BCL11B: variants seen among roughly 807,000 people sequenced by gnomAD.
BCL11B encodes the protein BCL11 transcription factor B.
In BCL11B, 8 loss-of-function variants were observed where a neutral mutation model predicts 49.9. That is an observed-to-expected ratio of 0.16 (90% CI 0.09 to 0.29). The LOEUF (loss-of-function observed/expected upper bound fraction) is 0.29, where lower values mean the gene tolerates loss of function less well. Among genes scored for constraint, BCL11B ranks in the 10% least tolerant of loss-of-function variants. The pLI is 1.00. For synonymous variants in BCL11B, 739 were observed against 637.4 expected (o/e 1.16, Z -2.40); for missense variants, 1,006 against 1,351.0 (o/e 0.74, Z 4.00).
Position 99,175,998 on chromosome 14 carries a change from T to C in BCL11B, c.838A>G (p.Met280Val). 1 of 1,524,072 alleles carries C rather than the reference T, an allele frequency of 6.6e-7. No homozygotes were observed. Among genetic ancestry groups the C allele is most frequent in the Non-Finnish European group, 8.8e-7 (1 of 1,136,358 alleles). 94.4% of individuals were successfully genotyped at this position (1,524,072 alleles called of 1,614,324 possible). A position where few individuals can be genotyped will look rare whatever the true frequency, so the allele number is the denominator to read the frequency against. ...GPEAVAQSPLMNFLGDSNPFN... is the reference protein window; with the variant it reads ...GPEAVAQSPLVNFLGDSNPFN... ...GGGTTGCTGTCGCCCAGGAAATTCA[T>C]GAGCGGGGACTGCGCCACGGCCTCC... The change falls in exon 4 of 4, where the codon ATG becomes GTG. Residue 280 changes from methionine to valine, a missense_variant. Met to Val is a conservative substitution (Grantham distance 21, BLOSUM62 1). Around this residue, in one of 6 missense-constraint regions of BCL11B, gnomAD observed 411 missense variants for 542.2 expected, o/e 0.76. Coordinates refer to ENST00000357195, the MANE Select transcript of BCL11B (RefSeq NM_138576.4).
At chr14:99,234,226 TAGAC>T (rs1272875980) in intron 2 of BCL11B, among the ~76,000 whole-genome samples, 2 of 151,996 alleles carry the variant, frequency 1.3e-5, no homozygotes, top group Non-Finnish European at 2.9e-5. Flanking sequence ...GCTCGGGACT[TAGAC>T]AGGAGTGACG....
At chr14:99,261,854 A>G (rs1399196693) in intron 1 of BCL11B, among the ~76,000 whole-genome samples, 1 of 152,120 alleles carries the variant, frequency 6.6e-6, no homozygotes, top group African/African-American at 2.4e-5. Flanking sequence ...GCTAAATCCT[A>G]AAGTGCAGGG....
intron 3 of BCL11B, among the ~76,000 whole-genome samples, chr14:99,180,124 C>G (rs541265769): frequency 6.4e-4 from 98 of 152,304 alleles, no homozygotes; most frequent in African/African-American, 2.1e-3. Context: ...TGAGGGCCAC[C>G]TGCCCACAGG....
chr14:99,258,156 C>A (rs531645973), intron 1 of BCL11B, among the ~76,000 whole-genome samples: 1 of 152,244 alleles, frequency 6.6e-6, no homozygotes, highest in Admixed American at 6.5e-5. Context: ...CACGGACACA[C>A]GTGCATACAC....
rs756923868 is a variant in BCL11B, at chr14:99,257,431, G to A, written c.427+40C>T. On this transcript the variant is annotated intron_variant, in intron 2 of 3. Transcript: ENST00000357195. The surrounding 1 kb of genome is among the most constrained non-coding windows in gnomAD (Gnocchi z 6.2). ...AGGCAGAGGGCATGGGACCCAGGAG[G>A]TGGCTTCCACAGCAACCAGGCAAGC... 11 of 1,552,242 alleles carry A rather than the reference G, an allele frequency of 7.1e-6. No homozygotes were observed. In the South Asian group the frequency reaches 1.4e-4, roughly 19 times the overall value.
At chr14:99,206,748 A>AC (rs1261299388) in intron 3 of BCL11B, among the ~76,000 whole-genome samples, 1 of 152,240 alleles carries the variant, frequency 6.6e-6, no homozygotes, top group Non-Finnish European at 1.5e-5. Context: ...TGCTGAATTT[A>AC]TAAATTAAAC....
chr14:99,270,545 CAGG>C (rs1327229910), intron 1 of BCL11B, among the ~76,000 whole-genome samples: 1 of 151,968 alleles, frequency 6.6e-6, no homozygotes. Context: ...TTGCAAATAG[CAGG>C]AGGAGGGGAG....
rs1394980790 is a variant in BCL11B at position 99,241,446 on chromosome 14, AC to A, written c.428-9890del. Among the ~76,000 whole-genome samples the A allele has an allele frequency of 6.6e-6, 1 of 151,930 alleles. No individual in the cohort carries two copies. The highest frequency in any genetic ancestry group is 1.5e-5 in the Non-Finnish European group (1 of 67,984). On this transcript the variant is annotated intron_variant, in intron 2 of 3. Coordinates refer to ENST00000357195, the MANE Select transcript of BCL11B (RefSeq NM_138576.4). This position sits in a 1 kb window ranked among gnomAD's most constrained non-coding sequence, Gnocchi z 4.4. ...AAGCATCGCTCAGGAGGCCTCAGAG[AC>A]TAAACAGACACAAAACCCAAAAGAA...
chr14:99,267,718 T>C (rs1037737670), intron 1 of BCL11B, among the ~76,000 whole-genome samples: 8 of 152,230 alleles, frequency 5.3e-5, no homozygotes, highest in Non-Finnish European at 7.3e-5. Context: ...CAAAACCTAA[T>C]TCAAAAGGTA....
chr14:99,187,304 C>T (rs892722573), intron 3 of BCL11B, among the ~76,000 whole-genome samples: 1 of 152,242 alleles, frequency 6.6e-6, no homozygotes, highest in African/African-American at 2.4e-5. Context: ...AAGTCATCTG[C>T]AGCATTTGTG....
chr14:99,199,683 T>TGTGTGTGTGCGCGCGC (rs759599743), intron 3 of BCL11B, among the ~76,000 whole-genome samples: 57 of 73,724 alleles, frequency 7.7e-4, no homozygotes, highest in East Asian at 1.6e-3. Context: ...TGTGTGTGTG[T>TGTGTGTGTGCGCGCGC]GCGCGCGCGC....
intron 3 of BCL11B, among the ~76,000 whole-genome samples, chr14:99,209,673 C>A (rs553110270): frequency 1.3e-3 from 191 of 152,254 alleles, no homozygotes; most frequent in Non-Finnish European, 1.9e-3. Context: ...GACAGGAGAG[C>A]TAGGAGGCTG....
In BCL11B at chr14:99,174,783, C is replaced by T. The variant is rs1235157049; in HGVS notation, c.2053G>A (p.Ala685Thr). 1.4e-6 allele frequency: 2 copies of T among 1,461,304 alleles called. No homozygotes were observed. Among genetic ancestry groups the T allele is most frequent in the Admixed American group, 2.4e-5 (1 of 41,150 alleles). The allele number at this position is 1,461,304 out of a possible 1,614,324, so 90.5% of individuals were successfully genotyped here. The change falls in exon 4 of 4, where the codon GCC becomes ACC. Residue 685 changes from alanine to threonine, a missense_variant. Coordinates refer to ENST00000357195, the MANE Select transcript of BCL11B (RefSeq NM_138576.4). Reference sequence around the variant, plus strand: ...TCCTTCTCCACCTTGATGCGCTTGGCGGCGCTGTTGAGCCCGGGGCTGGGC... The same window carrying T: ...TCCTTCTCCACCTTGATGCGCTTGGTGGCGCTGTTGAGCCCGGGGCTGGGC... ...PLPSPGLNSA[A>T]KRIKVEKDLE...
At chr14:99,218,541 T>C (rs1274598993) in intron 3 of BCL11B, among the ~76,000 whole-genome samples, 7 of 152,080 alleles carry the variant, frequency 4.6e-5, no homozygotes, top group Non-Finnish European at 1.0e-4. Flanking sequence ...ACCACATTCC[T>C]GAGAAAAAAA....
intron 2 of BCL11B, among the ~76,000 whole-genome samples, chr14:99,239,184 G>C (rs748976341): frequency 6.6e-6 from 1 of 152,126 alleles, no homozygotes; most frequent in Non-Finnish European, 1.5e-5. Context: ...CTCAATTTAG[G>C]TTTTCTGATC....
At chr14:99,178,792 G>A (rs917089366) in intron 3 of BCL11B, among the ~76,000 whole-genome samples, 2 of 152,206 alleles carry the variant, frequency 1.3e-5, no homozygotes, top group African/African-American at 2.4e-5. Context: ...ATTAAAGATC[G>A]TTCCTGTACC....
At chr14:99,177,346 G>A (rs1886566568) in intron 3 of BCL11B, among the ~76,000 whole-genome samples, 1 of 151,906 alleles carries the variant, frequency 6.6e-6, no homozygotes, top group Admixed American at 6.6e-5. Context: ...CTCGTGGTAT[G>A]GAGCCAAAAC....
intron 3 of BCL11B, among the ~76,000 whole-genome samples, chr14:99,216,611 G>C (rs1887842171): frequency 6.6e-6 from 1 of 152,142 alleles, no homozygotes. Context: ...TCTAGAGAGA[G>C]ACTCGCCCTC....
intron 1 of BCL11B, 124 bp downstream of exon 1, chr14:99,271,037 C>T: frequency 9.7e-7 from 1 of 1,032,460 alleles, no homozygotes; most frequent in Non-Finnish European, 1.3e-6. Context: ...ACGCCGTAGA[C>T]TCTGCCAGCC....
Sources: gnomAD v4.1 joint callset for allele counts (sites outside exome capture counted in the v4.1 genomes callset) on GRCh38, gnomAD v4.1.1 for gene constraint, gnomAD v4.1.1 regional missense constraint, Gnocchi (gnomAD v3.1) non-coding constraint, MANE v1.5 for transcripts, NCBI Gene and HGNC (gene_info 2026-07-23, HGNC 2026-07-21) for gene names.